The following LINGO2 variants were observed in gnomAD, a reference collection of about 807,000 sequenced individuals.
LINGO2 encodes the protein leucine rich repeat and Ig domain containing 2.
LINGO2 carries 14 observed loss-of-function variants against 30.6 expected under a neutral mutation model. The ratio of observed to expected loss-of-function variants is 0.46; its 90% CI spans 0.30 to 0.72. LINGO2 has a LOEUF of 0.72. Among genes scored for constraint, LINGO2 ranks in the 30% least tolerant of loss-of-function variants. The pLI, the probability that LINGO2 is intolerant of heterozygous loss-of-function variation, is 0.07. For missense variants in LINGO2, 729 were observed against 751.7 expected (o/e 0.97, Z 0.35); for synonymous variants, 317 against 288.5 (o/e 1.10, Z -1.00).
chr9:28,761,433 C>T, the LINGO2 span, among the ~76,000 whole-genome samples: 1 of 151,180 alleles, frequency 6.6e-6, no homozygotes, highest in Non-Finnish European at 1.5e-5. Context: ...CCTTAAAGAG[C>T]TTAAAGTTTG....
intron 3 of LINGO2, among the ~76,000 whole-genome samples, chr9:28,350,987 T>C (rs368170198): frequency 2.0e-5 from 3 of 151,910 alleles, no homozygotes; most frequent in Admixed American, 6.6e-5. Context: ...ATCTCTGGGA[T>C]GCATTCAAAG....
the LINGO2 span, among the ~76,000 whole-genome samples, chr9:28,908,063 T>C: frequency 6.6e-6 from 1 of 151,806 alleles, no homozygotes; most frequent in Non-Finnish European, 1.5e-5. Flanking sequence ...CTGGCTTAAA[T>C]GTTGCTTTTC....
chr9:28,843,148 C>T, the LINGO2 span, among the ~76,000 whole-genome samples: 1 of 151,628 alleles, frequency 6.6e-6, no homozygotes. Context: ...AAAATATATG[C>T]AATAACTTAA....
intron 3 of LINGO2, among the ~76,000 whole-genome samples, chr9:28,316,029 T>C (rs1217402885): frequency 1.3e-5 from 2 of 152,084 alleles, no homozygotes; most frequent in East Asian, 3.9e-4. Flanking sequence ...TTCCCTCAAG[T>C]TTCTCATTTA....
chr9:28,490,301 C>T (rs1329910373), intron 1 of LINGO2, among the ~76,000 whole-genome samples: 3 of 152,132 alleles, frequency 2.0e-5, no homozygotes, highest in Non-Finnish European at 4.4e-5. Flanking sequence ...AAGTGGTTCT[C>T]AAATGTAGTC....
intron 4 of LINGO2, among the ~76,000 whole-genome samples, chr9:28,238,123 A>T (rs1319328995): frequency 6.6e-6 from 1 of 151,522 alleles, no homozygotes; most frequent in Admixed American, 6.6e-5. Context: ...CAGCACCCAG[A>T]TATATCAAGC....
chr9:28,375,119 CACACACACACACACAT>C (rs1207816112), intron 2 of LINGO2, among the ~76,000 whole-genome samples: 31 of 96,994 alleles, frequency 3.2e-4, no homozygotes, highest in African/African-American at 1.0e-3. Context: ...CACACACACA[CACACACACACACACAT>C]ACACCCCACA....
intron 4 of LINGO2, among the ~76,000 whole-genome samples, chr9:28,280,344 C>T (rs1271130875): frequency 6.6e-6 from 1 of 151,834 alleles, no homozygotes; most frequent in Admixed American, 6.6e-5. Context: ...CAATTTATTG[C>T]TTTAAAAATT....
chr9:27,967,798 T>C lies in LINGO2; in HGVS notation c.-35-17092A>G, dbSNP rs557024838. ...TTTGTTAATGTAATCCTTTTCCAGATACAGCTGCATCTAAAATTCCCATTT... is the reference window on the plus strand; with the variant it reads ...TTTGTTAATGTAATCCTTTTCCAGACACAGCTGCATCTAAAATTCCCATTT... On this transcript the variant is annotated intron_variant, in intron 5 of 5. Transcript: ENST00000379992. Among the ~76,000 whole-genome samples, 3 of 152,300 alleles carry C rather than the reference T, an allele frequency of 2.0e-5. No homozygotes were observed. In the East Asian group the frequency reaches 5.8e-4, roughly 29 times the overall value.
upstream of LINGO2, among the ~76,000 whole-genome samples, chr9:28,674,703 T>C (rs550765941): frequency 2.6e-5 from 4 of 152,302 alleles, no homozygotes; most frequent in Admixed American, 1.3e-4. Context: ...TTTATGATTA[T>C]TGATACTTTA....
intron 4 of LINGO2, among the ~76,000 whole-genome samples, chr9:28,022,218 G>C (rs1050242274): frequency 1.3e-5 from 2 of 151,912 alleles, no homozygotes; most frequent in African/African-American, 2.4e-5. Context: ...ATGTGGTGCA[G>C]GTATTTTAAC....
At chr9:28,906,079 C>A in the LINGO2 span, among the ~76,000 whole-genome samples, 1 of 151,918 alleles carries the variant, frequency 6.6e-6, no homozygotes, top group African/African-American at 2.4e-5. Context: ...CACATGATCT[C>A]ACTTAAATAT....
chr9:28,064,440 G>A (rs1315842116), intron 4 of LINGO2, among the ~76,000 whole-genome samples: 2 of 152,092 alleles, frequency 1.3e-5, no homozygotes, highest in African/African-American at 4.8e-5. Flanking sequence ...AACCAGCTGG[G>A]CTTGTCTCGG....
At chr9:28,676,262 C>CTA in the LINGO2 span, among the ~76,000 whole-genome samples, 1 of 151,754 alleles carries the variant, frequency 6.6e-6, no homozygotes, top group African/African-American at 2.4e-5. Flanking sequence ...AGCAAATTAG[C>CTA]TATACCATTC....
At chr9:29,103,399 TTTC>T in the LINGO2 span, among the ~76,000 whole-genome samples, 3 of 152,176 alleles carry the variant, frequency 2.0e-5, no homozygotes, top group South Asian at 6.2e-4. Context: ...CTGATCAAAA[TTTC>T]TTCATTTTAA....
At chr9:29,072,611 T>TTATATATATATATATATA in the LINGO2 span, among the ~76,000 whole-genome samples, 260 of 140,314 alleles carry the variant, frequency 1.9e-3, 8 homozygotes, top group East Asian at 8.0e-3. Flanking sequence ...TGTCTCTCTT[T>TTATATATATATATATATA]GATATATATA....
rs1032326679 is a variant in LINGO2, at chr9:28,623,522, T to G, written c.-365+46678A>C. Reference sequence around the variant, plus strand: ...ACTTTAGGTGTGTGAATTTTCTTCTTGGGGGTTCTCTATTCTGTTCTATTG... The same window carrying G: ...ACTTTAGGTGTGTGAATTTTCTTCTGGGGGGTTCTCTATTCTGTTCTATTG... On this transcript the variant is annotated intron_variant, in intron 1 of 5. Transcript: ENST00000379992. Among the ~76,000 whole-genome samples the G allele has an allele frequency of 2.0e-5, 3 of 152,106 alleles. 1 individual carries two copies. The highest frequency in any genetic ancestry group is 4.1e-4 in the South Asian group (2 of 4,826).
chr9:29,161,770 T>C, the LINGO2 span, among the ~76,000 whole-genome samples: 3 of 152,190 alleles, frequency 2.0e-5, no homozygotes, highest in African/African-American at 7.2e-5. Flanking sequence ...AAACAGTTCC[T>C]GTGTAACAAG....
At chr9:27,985,365 C>G (rs111576614) in intron 5 of LINGO2, among the ~76,000 whole-genome samples, 1 of 151,864 alleles carries the variant, frequency 6.6e-6, no homozygotes, top group Non-Finnish European at 1.5e-5. Context: ...AGTATACATC[C>G]AACATAAAAG....
Sources: allele counts gnomAD v4.1 joint callset (sites outside exome capture counted in the v4.1 genomes callset), GRCh38; gene constraint gnomAD v4.1.1; transcripts MANE v1.5; gene names NCBI Gene and HGNC (gene_info 2026-07-23, HGNC 2026-07-21).